PIK3C2G: variants seen among roughly 807,000 people sequenced by gnomAD.
The protein encoded by PIK3C2G is phosphatidylinositol-4-phosphate 3-kinase catalytic subunit type 2 gamma, also known as phosphatidylinositol 3-kinase C2 domain-containing subunit gamma.
PIK3C2G carries 168 observed loss-of-function variants against 181.1 expected under a neutral mutation model. That is an observed-to-expected ratio of 0.93 (90% CI 0.82 to 1.05). PIK3C2G has a LOEUF of 1.05. Among genes scored for constraint, PIK3C2G ranks in the 50% least tolerant of loss-of-function variants. PIK3C2G has a pLI of 0.00. For synonymous variants in PIK3C2G, 573 were observed against 592.2 expected, an observed-to-expected ratio of 0.97 and a Z score of 0.47; for missense variants, 1,869 against 1,732.8, an observed-to-expected ratio of 1.08 and a Z score of -1.40.
chr12:18,587,550 C>A (rs185399830), intron 29 of PIK3C2G, among the ~76,000 whole-genome samples: 4 of 151,772 alleles, frequency 2.6e-5, no homozygotes, highest in African/African-American at 9.7e-5. Flanking sequence ...TCAAAGAAAT[C>A]AAAGATGACA....
At chr12:18,275,592 A>C (rs1052778330) in intron 1 of PIK3C2G, among the ~76,000 whole-genome samples, 6 of 152,124 alleles carry the variant, frequency 3.9e-5, no homozygotes, top group African/African-American at 1.4e-4. Flanking sequence ...CATGTTGGCC[A>C]GGCTGGCCTC....
rs1024305862 is a variant in PIK3C2G at position 18,442,799 on chromosome 12, A to G, written c.2504+18760A>G. ...TAGAAAATTATGCATCTTTTTATGC[A>G]TACATTTTTATATAGACTTGAGTTA... On this transcript the variant is annotated intron_variant, in intron 18 of 32. Transcript: ENST00000538779. 2.0e-5 allele frequency among the ~76,000 whole-genome samples: 3 copies of G among 152,284 alleles called. No individual in the cohort carries two copies. The East Asian group carries it at 5.8e-4, about 29-fold the overall frequency.
At chr12:18,568,109 C>G (rs756440608) in intron 29 of PIK3C2G, among the ~76,000 whole-genome samples, 1 of 152,270 alleles carries the variant, frequency 6.6e-6, no homozygotes, top group Non-Finnish European at 1.5e-5. Context: ...CTCACCGTCT[C>G]AGGATTCCTA....
chr12:18,392,363 G>A (rs942717949), intron 15 of PIK3C2G, among the ~76,000 whole-genome samples: 6 of 151,992 alleles, frequency 3.9e-5, no homozygotes, highest in Non-Finnish European at 8.8e-5. Context: ...GTTTTCTTTT[G>A]AGTAATCTTG....
At chr12:18,478,827 T>C (rs1038118210) in intron 18 of PIK3C2G, among the ~76,000 whole-genome samples, 3 of 151,816 alleles carry the variant, frequency 2.0e-5, no homozygotes, top group African/African-American at 7.3e-5. Flanking sequence ...ATTTAAAAAT[T>C]ACCCAGACGT....
intron 18 of PIK3C2G, among the ~76,000 whole-genome samples, chr12:18,476,111 C>T (rs892972612): frequency 4.6e-5 from 7 of 152,138 alleles, no homozygotes; most frequent in African/African-American, 1.2e-4. Flanking sequence ...ATAAGAACAA[C>T]GAATAGAGGA....
At chr12:18,692,648 T>C in the PIK3C2G span, 2 of 621,214 alleles carry the variant, frequency 3.2e-6, no homozygotes, top group South Asian at 2.0e-5. Context: ...GGACTAATTA[T>C]GCAGGAGAAA....
intron 18 of PIK3C2G, among the ~76,000 whole-genome samples, chr12:18,429,890 G>A (rs2135752615): frequency 6.6e-6 from 1 of 152,226 alleles, no homozygotes; most frequent in Admixed American, 6.5e-5. Context: ...CCCCTTCTCT[G>A]GAGAATTAGC....
chr12:18,473,627 T>G (rs1364503259), intron 18 of PIK3C2G, among the ~76,000 whole-genome samples: 1 of 152,196 alleles, frequency 6.6e-6, no homozygotes. Flanking sequence ...TGCTCAGCTA[T>G]CTTTGATGTT....
chr12:18,422,325 A>AG (rs150258950), intron 17 of PIK3C2G, among the ~76,000 whole-genome samples: 30,895 of 151,844 alleles, frequency 0.2, 3,358 homozygotes, highest in Admixed American at 0.33. Flanking sequence ...AAATTTAAAA[A>AG]AAAAACACTG....
chr12:18,357,360 CA>C (rs1940837731), intron 11 of PIK3C2G, among the ~76,000 whole-genome samples: 1 of 151,980 alleles, frequency 6.6e-6, no homozygotes, highest in Non-Finnish European at 1.5e-5. Flanking sequence ...ACATGTTTTA[CA>C]TTTAAGTTAA....
chr12:18,322,698 A>T (rs1323649441), intron 7 of PIK3C2G, among the ~76,000 whole-genome samples: 1 of 152,150 alleles, frequency 6.6e-6, no homozygotes, highest in Non-Finnish European at 1.5e-5. Context: ...TTCATTAACT[A>T]TTGTGTTTTT....
chr12:18,548,618 C>T (rs1310214413), intron 26 of PIK3C2G, among the ~76,000 whole-genome samples: 1 of 152,050 alleles, frequency 6.6e-6, no homozygotes, highest in Non-Finnish European at 1.5e-5. Context: ...GCTAGAACCT[C>T]ATGGCAGTGA....
intron 18 of PIK3C2G, among the ~76,000 whole-genome samples, chr12:18,425,610 T>C (rs1945762100): frequency 6.6e-6 from 1 of 152,172 alleles, no homozygotes; most frequent in South Asian, 2.1e-4. Flanking sequence ...CAGGATTGTC[T>C]TCATCTCTTG....
At chr12:18,719,176 A>G in the PIK3C2G span, among the ~76,000 whole-genome samples, 3 of 152,144 alleles carry the variant, frequency 2.0e-5, no homozygotes, top group Non-Finnish European at 4.4e-5. Flanking sequence ...CGGAGGGGCC[A>G]TAACCATGGA....
chr12:18,498,806 T>G (rs926659625), intron 22 of PIK3C2G, among the ~76,000 whole-genome samples: 11 of 152,232 alleles, frequency 7.2e-5, no homozygotes, highest in Non-Finnish European at 5.9e-5. Flanking sequence ...ACAGGGCTCC[T>G]ACTTCCATGC....
At chr12:18,411,978 T>A (rs1317621156) in intron 16 of PIK3C2G, among the ~76,000 whole-genome samples, 1 of 146,452 alleles carries the variant, frequency 6.8e-6, no homozygotes, top group Non-Finnish European at 1.5e-5. Context: ...AATAGAAGTG[T>A]TTTTTTTACT....
At chr12:18,329,805 C>T (rs942973106) in intron 8 of PIK3C2G, among the ~76,000 whole-genome samples, 3 of 151,964 alleles carry the variant, frequency 2.0e-5, no homozygotes, top group African/African-American at 7.2e-5. Flanking sequence ...ATGAGAGTTC[C>T]TATTGCTGCA....
intron 8 of PIK3C2G, among the ~76,000 whole-genome samples, chr12:18,332,673 C>T (rs1304991340): frequency 1.3e-5 from 2 of 152,062 alleles, no homozygotes; most frequent in Non-Finnish European, 2.9e-5. Context: ...TACTTCTCCC[C>T]CAGAGACAAG....
Sources: gnomAD v4.1 joint callset for allele counts (sites outside exome capture counted in the v4.1 genomes callset) on GRCh38, gnomAD v4.1.1 for gene constraint, MANE v1.5 for transcripts, NCBI Gene and HGNC (gene_info 2026-07-23, HGNC 2026-07-21) for gene names.